The following TUBA3D variants were observed in gnomAD, a reference collection of about 807,000 sequenced individuals.
TUBA3D encodes tubulin alpha 3d.
Under a neutral mutation model 36.1 loss-of-function variants are expected in TUBA3D, and 24 were observed. That is an observed-to-expected ratio of 0.66 (90% CI 0.48 to 0.93). The LOEUF is 0.93. TUBA3D is among the 40% of genes least tolerant of loss of function. The pLI, the probability that TUBA3D is intolerant of heterozygous loss-of-function variation, is 0.00. For missense variants in TUBA3D, 356 were observed against 614.5 expected, an observed-to-expected ratio of 0.58 and a Z score of 4.45; for synonymous variants, 185 against 247.2, an observed-to-expected ratio of 0.75 and a Z score of 2.36.
intron 1 of TUBA3D, among the ~76,000 whole-genome samples, chr2:131,477,041 T>TC (rs1678699278): frequency 6.7e-6 from 1 of 149,904 alleles, no homozygotes; most frequent in African/African-American, 2.5e-5. Context: ...TTCTTTCTTT[T>TC]TTTTTTTTGA....
In TUBA3D at chr2:131,476,188, G is replaced by A. The variant is rs763543502; in HGVS notation, c.-12G>A. 9.3e-6 allele frequency: 15 copies of A among 1,613,842 alleles called. No homozygotes were observed. In the Admixed American group the frequency reaches 2.5e-4, roughly 27 times the overall value. On this transcript the variant is annotated 5_prime_UTR_variant, in exon 1 of 5. Transcript: ENST00000321253. ...CTGGCAGTAGCGTTGGGCTGAAGCA[G>A]CGGAGTTCGCCATGGTAAGGCCCGG...
At chr2:131,476,252 G>C (rs1678663662) in intron 1 of TUBA3D, 50 bp downstream of exon 1, 1 of 1,613,524 alleles carries the variant, frequency 6.2e-7, no homozygotes, top group South Asian at 1.1e-5. Flanking sequence ...AGACGAAGTT[G>C]GCCTCGGGTG....
intron 4 of TUBA3D, 69 bp downstream of exon 4, chr2:131,480,818 C>T: frequency 6.4e-7 from 1 of 1,562,570 alleles, no homozygotes. Context: ...GCCCTGAAGG[C>T]CCACATCCTT....
Position 131,482,625 on chromosome 2 carries a change from T to A in TUBA3D, c.1130T>A (p.Met377Lys), listed in dbSNP as rs756959931. The A allele has an allele frequency of 6.2e-7, 1 of 1,614,186 alleles. No individual in the cohort carries two copies. Among genetic ancestry groups the A allele is most frequent in the East Asian group, 2.2e-5 (1 of 44,882 alleles). Residue 377 changes from methionine (M) to lysine (K), a missense_variant, in exon 5 of 5, where the codon ATG (methionine) becomes AAG (lysine). Physicochemically the swap from Met to Lys is moderately conservative, Grantham distance 95 (BLOSUM62 -1). Around this residue, in one of 3 missense-constraint regions of TUBA3D, gnomAD observed 156 missense variants for 219.8 expected, o/e 0.71. Transcript: ENST00000321253. ...DLAKVQRAVC[M>K]LSNTTAIAEA... ...GCCAAGGTGCAGCGGGCCGTGTGCATGCTGAGCAACACCACGGCCATTGCG... is the reference window on the plus strand; with the variant it reads ...GCCAAGGTGCAGCGGGCCGTGTGCAAGCTGAGCAACACCACGGCCATTGCG...
In TUBA3D at chr2:131,482,873, C is replaced by T. The variant is rs746117701; in HGVS notation, c.*25C>T. On this transcript the variant is annotated 3_prime_UTR_variant, in exon 5 of 5. Coordinates refer to ENST00000321253, the MANE Select transcript of TUBA3D (RefSeq NM_080386.4). ...AGGGGAGGGTGTGGTGGGTTCTCCC[C>T]TGCCACCCCCGGGATGGCTGCTTCC... The T allele has an allele frequency of 1.9e-6, 3 of 1,601,870 alleles. No individual in the cohort carries two copies. Among genetic ancestry groups the T allele is most frequent in the African/African-American group, 1.3e-5 (1 of 74,510 alleles).
At position 131,482,797 on chromosome 2, in the gene TUBA3D, G is replaced by T. The variant is rs771040704; in HGVS notation, c.1302G>T (p.Glu434Asp). ...CAGCTCTAGAGAAGGATTATGAAGA[G>T]GTGGGCGTGGATTCCGTGGAAGCTG... is the stretch of plus-strand genomic sequence containing the variant. ...DLAALEKDYE[E>D]VGVDSVEAEA... The change falls in exon 5 of 5, where the codon GAG (glutamate) becomes GAT (aspartate). Residue 434 changes from glutamate (E) to aspartate (D), a missense_variant. Glu to Asp is a conservative substitution (Grantham distance 45, BLOSUM62 2). This residue lies in a region of TUBA3D where 156 missense variants were observed against 219.8 expected (regional missense o/e 0.71). Coordinates refer to ENST00000321253, the MANE Select transcript of TUBA3D (RefSeq NM_080386.4). 6.2e-7 allele frequency: 1 copy of T among 1,614,246 alleles called. No homozygotes were observed. The highest frequency in any genetic ancestry group is 1.1e-5 in the South Asian group (1 of 91,088).
chr2:131,480,474 C>G lies in TUBA3D; in HGVS notation c.781C>G (p.Pro261Ala). The change falls in exon 4 of 5, where the codon CCG becomes GCG. Residue 261 changes from proline to alanine, a missense_variant. Coordinates refer to ENST00000321253, the MANE Select transcript of TUBA3D (RefSeq NM_080386.4). ...DLTEFQTNLV[P>A]YPRIHFPLAT... ...GACGGAATTCCAGACCAACCTAGTG[C>G]CGTACCCCCGCATCCACTTCCCCCT... 1 of 1,588,178 alleles carries G rather than the reference C, an allele frequency of 6.3e-7. No individual in the cohort carries two copies. The highest frequency in any genetic ancestry group is 8.5e-7 in the Non-Finnish European group (1 of 1,171,458).
At position 131,482,783 on chromosome 2, in the gene TUBA3D, A is replaced by G. The variant is rs1461092944; in HGVS notation, c.1288A>G (p.Lys430Glu). ...CCGCGAGGACCTGGCAGCTCTAGAG[A>G]AGGATTATGAAGAGGTGGGCGTGGA... ...EAREDLAALE[K>E]DYEEVGVDSV... is the part of the protein sequence containing the mutation. Residue 430 changes from lysine to glutamate, a missense_variant, in exon 5 of 5, where the codon AAG (lysine) becomes GAG (glutamate). Transcript: ENST00000321253. 1.9e-6 allele frequency: 3 copies of G among 1,613,946 alleles called. No homozygotes were observed. Among genetic ancestry groups the G allele is most frequent in the Admixed American group, 1.7e-5 (1 of 59,996 alleles).
chr2:131,480,861 A>G (rs1678839679), intron 4 of TUBA3D, 112 bp downstream of exon 4: 6 of 1,436,556 alleles, frequency 4.2e-6, no homozygotes, highest in Non-Finnish European at 5.6e-6. Flanking sequence ...TGGGCTAGGC[A>G]TGTGGGCATA....
In TUBA3D at chr2:131,482,601, C is replaced by A. The variant is rs1408817662; in HGVS notation, c.1106C>A (p.Ala369Asp). ...PPTVVPGGDL[A>D]KVQRAVCMLS... is the part of the protein sequence containing the mutation. ...ACAGTGGTCCCCGGGGGAGACCTGG[C>A]CAAGGTGCAGCGGGCCGTGTGCATG... Residue 369 changes from alanine to aspartate, a missense_variant, in exon 5 of 5, where the codon GCC becomes GAC. Coordinates refer to ENST00000321253, the MANE Select transcript of TUBA3D (RefSeq NM_080386.4). 6.2e-7 allele frequency: 1 copy of A among 1,613,798 alleles called. No homozygotes were observed. The highest frequency in any genetic ancestry group is 2.2e-5 in the East Asian group (1 of 44,878).
rs1356984407 is a variant in TUBA3D at position 131,480,054 on chromosome 2, T to C, written c.376-15T>C. On this transcript the variant is annotated splice_polypyrimidine_tract_variant and intron_variant, in intron 3 of 4. Coordinates refer to ENST00000321253, the MANE Select transcript of TUBA3D (RefSeq NM_080386.4). ...CTTCCATGGGCATTGGCTCACGTTG[T>C]GTGGTTTCTCTCAGGCGGATCTGTG... The C allele has an allele frequency of 6.4e-7, 1 of 1,566,838 alleles. No individual in the cohort carries two copies. Among genetic ancestry groups the C allele is most frequent in the South Asian group, 1.2e-5 (1 of 83,004 alleles).
chr2:131,482,671 C>G lies in TUBA3D; in HGVS notation c.1176C>G (p.Asp392Glu). 2 of 1,614,130 alleles carry G rather than the reference C, an allele frequency of 1.2e-6. No homozygotes were observed. Among genetic ancestry groups the G allele is most frequent in the Non-Finnish European group, 1.7e-6 (2 of 1,180,014 alleles). The change falls in exon 5 of 5, where the codon GAC (aspartate) becomes GAG (glutamate). Residue 392 changes from aspartate to glutamate, a missense_variant. Physicochemically the swap from Asp to Glu is conservative, Grantham distance 45 (BLOSUM62 2). Around this residue, in one of 3 missense-constraint regions of TUBA3D, gnomAD observed 156 missense variants for 219.8 expected, o/e 0.71. Transcript: ENST00000321253. ...TTGCGGAGGCCTGGGCCCGCCTGGA[C>G]CATAAGTTCGATCTCATGTATGCCA... ...TAIAEAWARL[D>E]HKFDLMYAKR...
Position 131,482,714 on chromosome 2 carries a change from T to C in TUBA3D, c.1219T>C (p.Trp407Arg). The C allele has an allele frequency of 6.2e-7, 1 of 1,614,104 alleles. No homozygotes were observed. The highest frequency in any genetic ancestry group is 1.3e-5 in the African/African-American group (1 of 75,000). Residue 407 changes from tryptophan to arginine, a missense_variant, in exon 5 of 5, where the codon TGG becomes CGG. This residue lies in a region of TUBA3D where 156 missense variants were observed against 219.8 expected (regional missense o/e 0.71). Coordinates refer to ENST00000321253, the MANE Select transcript of TUBA3D (RefSeq NM_080386.4). ...LMYAKRAFVH[W>R]YVGEGMEEGE... Reference sequence around the variant, plus strand: ...GTATGCCAAGCGGGCCTTTGTGCACTGGTACGTGGGCGAAGGCATGGAAGA... The same window carrying C: ...GTATGCCAAGCGGGCCTTTGTGCACCGGTACGTGGGCGAAGGCATGGAAGA...
In TUBA3D at chr2:131,478,404, G is replaced by A. The variant is rs781716309; in HGVS notation, c.226+18G>A. ...TGTGGTCGGTAGGTGCCTGGGCACT[G>A]GATGGCAGCTTTCCTGAGAGGGTGG... is the stretch of plus-strand genomic sequence containing the variant. On this transcript the variant is annotated intron_variant, in intron 2 of 4. Transcript: ENST00000321253. 2.5e-6 allele frequency: 4 copies of A among 1,595,766 alleles called. No individual in the cohort carries two copies. Among genetic ancestry groups the A allele is most frequent in the Non-Finnish European group, 3.4e-6 (4 of 1,168,644 alleles).
In TUBA3D at chr2:131,480,379, G is replaced by A; in HGVS notation, c.686G>A (p.Arg229His). Residue 229 changes from arginine to histidine, a missense_variant, in exon 4 of 5, where the codon CGC becomes CAC. Around this residue, in one of 3 missense-constraint regions of TUBA3D, gnomAD observed 91 missense variants for 240.9 expected, o/e 0.38. Transcript: ENST00000321253. ...CGTCCCACGTACACCAACCTCAATC[G>A]CCTGATTGGGCAGATCGTGTCCTCC... ...IERPTYTNLN[R>H]LIGQIVSSIT... The A allele has an allele frequency of 6.2e-7, 1 of 1,606,890 alleles. No homozygotes were observed. Among genetic ancestry groups the A allele is most frequent in the South Asian group, 1.1e-5 (1 of 90,954 alleles).
intron 3 of TUBA3D, 91 bp from the exon 4 acceptor site, chr2:131,479,978 C>T (rs1029524789): frequency 6.8e-7 from 1 of 1,477,634 alleles, no homozygotes; most frequent in African/African-American, 1.4e-5. Flanking sequence ...CATATCAACT[C>T]TTTAGAGGCA....
At position 131,480,330 on chromosome 2, in the gene TUBA3D, T is replaced by C. The variant is rs1438279800; in HGVS notation, c.637T>C (p.Cys213Arg). Residue 213 changes from cysteine to arginine, a missense_variant, in exon 4 of 5, where the codon TGT becomes CGT. Coordinates refer to ENST00000321253, the MANE Select transcript of TUBA3D (RefSeq NM_080386.4). Reference sequence around the variant, plus strand: ...CGACAATGAAGCCATCTATGACATATGTCGGCGCAACCTGGACATTGAACG... The same window carrying C: ...CGACAATGAAGCCATCTATGACATACGTCGGCGCAACCTGGACATTGAACG... ...MVDNEAIYDI[C>R]RRNLDIERPT... The C allele has an allele frequency of 6.2e-7, 1 of 1,612,516 alleles. No individual in the cohort carries two copies. Among genetic ancestry groups the C allele is most frequent in the South Asian group, 1.1e-5 (1 of 91,052 alleles).
chr2:131,479,986 G>T, intron 3 of TUBA3D, 83 bp from the exon 4 acceptor site: 1 of 1,486,390 alleles, frequency 6.7e-7, no homozygotes, highest in Non-Finnish European at 9.0e-7. Context: ...CTCTTTAGAG[G>T]CAAAGAGAAG....
rs560677143 is a variant in TUBA3D at position 131,476,176 on chromosome 2, T to C, written c.-24T>C. The C allele has an allele frequency of 1.2e-6, 2 of 1,613,892 alleles. No individual in the cohort carries two copies. The highest frequency in any genetic ancestry group is 2.7e-5 in the African/African-American group (2 of 75,046). ...GCCGGTTGAGGTCTGGCAGTAGCGTTGGGCTGAAGCAGCGGAGTTCGCCAT... is the reference window on the plus strand; with the variant it reads ...GCCGGTTGAGGTCTGGCAGTAGCGTCGGGCTGAAGCAGCGGAGTTCGCCAT... On this transcript the variant is annotated 5_prime_UTR_variant, in exon 1 of 5. Transcript: ENST00000321253.
Sources: gnomAD v4.1 joint callset for allele counts (sites outside exome capture counted in the v4.1 genomes callset) on GRCh38, gnomAD v4.1.1 for gene constraint, gnomAD v4.1.1 regional missense constraint, MANE v1.5 for transcripts, NCBI Gene and HGNC (gene_info 2026-07-23, HGNC 2026-07-21) for gene names.